The following MAP7D3 variants were observed in gnomAD, a reference collection of about 807,000 sequenced individuals.
The protein encoded by MAP7D3 is MAP7 domain-containing protein 3.
A neutral mutation model predicts 62.2 loss-of-function variants in MAP7D3; 45 were observed. The ratio of observed to expected loss-of-function variants is 0.72; its 90% CI spans 0.57 to 0.93. The LOEUF (loss-of-function observed/expected upper bound fraction) is 0.93, where lower values mean the gene tolerates loss of function less well. Ranked by LOEUF, MAP7D3 falls within the 40% of genes least tolerant of loss-of-function variation. MAP7D3 has a pLI of 0.00. For synonymous variants in MAP7D3, 288 were observed against 248.8 expected (o/e 1.16, Z -1.48); for missense variants, 711 against 683.1 (o/e 1.04, Z -0.45).
At chrX:136,221,378 T>G (rs1480691865) in intron 15 of MAP7D3, among the ~76,000 whole-genome samples, 3 of 111,587 alleles carry the variant, frequency 2.7e-5, no homozygotes, top group Non-Finnish European at 5.7e-5. Context: ...CAGGCTGGAG[T>G]GCAGTGGCAC....
At chrX:136,213,408 C>T (rs12013691), downstream of MAP7D3, 527 of 110,393 alleles carry the variant, frequency 4.8e-3, 1 homozygote, top group African/African-American at 0.017. Context: ...GGCTCTGGCA[C>T]CAGGCTACCA....
chrX:136,227,862 T>C (rs902587793), intron 11 of MAP7D3, among the ~76,000 whole-genome samples: 2 of 111,737 alleles, frequency 1.8e-5, no homozygotes, highest in African/African-American at 6.5e-5. Flanking sequence ...TCTGTTTATA[T>C]GAAGCGATGA....
At position 136,230,859 on chromosome X, in the gene MAP7D3, C is replaced by G; in HGVS notation, c.1521G>C (p.Leu507=). ...CTTACTTAGTGCTGATGGGAGACGGCAGACCACAAGCATTTTCAGGAGATG... is the reference window on the plus strand; with the variant it reads ...CTTACTTAGTGCTGATGGGAGACGGGAGACCACAAGCATTTTCAGGAGATG... ...WSSSPENACG[L]PSPISTNRQI... The change falls in exon 9 of 19, where the codon CTG becomes CTC. Residue 507 remains leucine (L), a synonymous_variant. Coordinates refer to ENST00000316077, the MANE Select transcript of MAP7D3 (RefSeq NM_024597.4). 8.3e-7 allele frequency: 1 copy of G among 1,207,855 alleles called. No homozygotes were observed. Among genetic ancestry groups the G allele is most frequent in the South Asian group, 1.8e-5 (1 of 56,362 alleles).
intron 6 of MAP7D3, among the ~76,000 whole-genome samples, chrX:136,238,104 T>G (rs1471650480): frequency 8.9e-6 from 1 of 112,005 alleles, no homozygotes; most frequent in Admixed American, 9.5e-5. Flanking sequence ...ATGTGCCACA[T>G]TTTCTTAATC....
downstream of MAP7D3, among the ~76,000 whole-genome samples, chrX:136,216,504 G>C (rs1230121689): frequency 1.8e-5 from 2 of 109,463 alleles, no homozygotes; most frequent in Admixed American, 2.0e-4. Context: ...GGAGGCTAAG[G>C]TGGGAGGATT....
chrX:136,228,573 T>G (rs751987614), intron 11 of MAP7D3, 50 bp downstream of exon 11: 79 of 1,122,680 alleles, frequency 7.0e-5, no homozygotes, highest in Non-Finnish European at 9.3e-5. Flanking sequence ...TTTCAAAAAT[T>G]TGGGCCCCAC....
At chrX:136,256,472 C>A in exon 1 of MAP7D3, 1 of 524,148 alleles carries the variant, frequency 1.9e-6, no homozygotes, top group East Asian at 3.9e-5. Flanking sequence ...TGCTCTGTAC[C>A]ATTTCCTTTT....
rs780580244 is a variant in MAP7D3 at position 136,232,062 on chromosome X, G to A, written c.895C>T (p.Pro299Ser). The change falls in exon 8 of 19, where the codon CCC (proline) becomes TCC (serine). Residue 299 changes from proline to serine, a missense_variant. Physicochemically the swap from Pro to Ser is moderately conservative, Grantham distance 74 (BLOSUM62 -1). Coordinates refer to ENST00000316077, the MANE Select transcript of MAP7D3 (RefSeq NM_024597.4). ...ESPLEKVETP[P>S]KASVDAPPQV... ...GGGGGTGCATCCACACTTGCCTTGG[G>A]AGGTGTCTCTACTTTCTCCAAGGGA... The A allele has an allele frequency of 8.3e-7, 1 of 1,210,929 alleles. No individual in the cohort carries two copies. The highest frequency in any genetic ancestry group is 3.0e-5 in the East Asian group (1 of 33,843).
intron 7 of MAP7D3, among the ~76,000 whole-genome samples, chrX:136,234,007 T>C: frequency 9.0e-6 from 1 of 110,759 alleles, no homozygotes; most frequent in East Asian, 2.8e-4. Context: ...TGGCAGAAAA[T>C]AACCTGACAT....
At chrX:136,227,155 T>A in intron 12 of MAP7D3, 129 bp downstream of exon 12, 1 of 488,848 alleles carries the variant, frequency 2.0e-6, no homozygotes. Flanking sequence ...ATAAATAAAA[T>A]AAAAAATAAA....
chrX:136,224,409 A>G (rs1191415547), intron 14 of MAP7D3, among the ~76,000 whole-genome samples: 1 of 108,314 alleles, frequency 9.2e-6, no homozygotes, highest in Non-Finnish European at 1.9e-5. Flanking sequence ...CAAAAAAAAA[A>G]AGAGAGAAAT....
At chrX:136,256,082 C>T (rs753895864), upstream of MAP7D3, 35 of 749,672 alleles carry the variant, frequency 4.7e-5, no homozygotes, top group Non-Finnish European at 4.9e-5. Flanking sequence ...CCATTCTTAA[C>T]GACCTGTTAG....
rs373379524 is a variant in MAP7D3 at position 136,232,037 on chromosome X, G to T, written c.920C>A (p.Pro307His). 32 of 1,209,593 alleles carry T rather than the reference G, an allele frequency of 2.6e-5. No individual in the cohort carries two copies. Among genetic ancestry groups the T allele is most frequent in the Non-Finnish European group, 3.2e-5 (29 of 894,840 alleles). The change falls in exon 8 of 19, where the codon CCC becomes CAC. Residue 307 changes from proline to histidine, a missense_variant. Transcript: ENST00000316077. ...GCAGAATACTTCCACATTCACCTGG[G>T]GGGGTGCATCCACACTTGCCTTGGG... ...TPPKASVDAP[P>H]QVNVEVFCNT...
chrX:136,246,565 T>A (rs2074451395), intron 1 of MAP7D3, among the ~76,000 whole-genome samples: 1 of 112,227 alleles, frequency 8.9e-6, no homozygotes, highest in Non-Finnish European at 1.9e-5. Context: ...GGCCAGGGTA[T>A]TTGTAGACAT....
At chrX:136,236,401 G>T (rs2074330826) in intron 6 of MAP7D3, 62 bp from the exon 7 acceptor site, 3 of 628,086 alleles carry the variant, frequency 4.8e-6, no homozygotes, top group Non-Finnish European at 4.9e-6. Flanking sequence ...TCAGGAGTGA[G>T]ATACTCCTTT....
chrX:136,236,975 G>C (rs755768022), intron 6 of MAP7D3, among the ~76,000 whole-genome samples: 180 of 111,808 alleles, frequency 1.6e-3, no homozygotes, highest in African/African-American at 5.5e-3. Context: ...CAGAGGCTCA[G>C]GTCCTGGACC....
rs368303892 is a variant in MAP7D3 at position 136,244,829 on chromosome X, G to A, written c.254-34C>T. 8 of 1,084,284 alleles carry A rather than the reference G, an allele frequency of 7.4e-6. No individual in the cohort carries two copies. The African/African-American group carries it at 1.5e-4, about 20-fold the overall frequency. 89.4% of individuals were successfully genotyped at this position (1,084,284 alleles called of 1,213,427 possible). A position where few individuals can be genotyped will look rare whatever the true frequency, so the allele number is the denominator to read the frequency against. The stretch of plus-strand genomic sequence containing the variant: ...TTCCAAATACATTTTCAAGGTGTAA[G>A]AGCCAAGAAAATATTTAGGTTTTCC... On this transcript the variant is annotated intron_variant, in intron 3 of 18. Coordinates refer to ENST00000316077, the MANE Select transcript of MAP7D3 (RefSeq NM_024597.4).
At chrX:136,232,497 T>C (rs1050030577) in intron 7 of MAP7D3, among the ~76,000 whole-genome samples, 9 of 112,351 alleles carry the variant, frequency 8.0e-5, no homozygotes, top group African/African-American at 2.9e-4. Flanking sequence ...AAAGTTGATG[T>C]TTGCAATAAG....
intron 11 of MAP7D3, 44 bp downstream of exon 11, chrX:136,228,579 C>T: frequency 8.9e-7 from 1 of 1,128,025 alleles, no homozygotes; most frequent in Non-Finnish European, 1.2e-6. Context: ...AAATTTGGGC[C>T]CCACTCAAGA....
Sources: gnomAD v4.1 joint callset for allele counts (sites outside exome capture counted in the v4.1 genomes callset) on GRCh38, gnomAD v4.1.1 for gene constraint, MANE v1.5 for transcripts, NCBI Gene and HGNC (gene_info 2026-07-23, HGNC 2026-07-21) for gene names.